Variants in ZNF385D observed in about 807,000 individuals in gnomAD.
The protein encoded by ZNF385D is zinc finger protein 385D.
In ZNF385D, 15 loss-of-function variants were observed where a neutral mutation model predicts 35.8. The observed-to-expected ratio is 0.42, with a 90% confidence interval of 0.28 to 0.64. ZNF385D has a LOEUF of 0.64. ZNF385D is among the 30% of genes least tolerant of loss of function. The pLI, the probability that ZNF385D is intolerant of heterozygous loss-of-function variation, is 0.23. For missense variants in ZNF385D, 474 were observed against 494.6 expected (o/e 0.96, Z 0.39); for synonymous variants, 212 against 186.8 (o/e 1.13, Z -1.10).
intron 3 of ZNF385D, among the ~76,000 whole-genome samples, chr3:21,794,598 G>C (rs2125670154): frequency 6.6e-6 from 1 of 152,224 alleles, no homozygotes; most frequent in East Asian, 1.9e-4. Flanking sequence ...CCTTCTTGTG[G>C]TGTTCTCACA....
At chr3:22,060,774 A>G (rs1242502431) in intron 3 of ZNF385D, among the ~76,000 whole-genome samples, 1 of 152,100 alleles carries the variant, frequency 6.6e-6, no homozygotes, top group Non-Finnish European at 1.5e-5. Context: ...AAGTCTAATA[A>G]GAGAAGCCAT....
Position 21,833,898 on chromosome 3 carries a change from A to G in ZNF385D, c.326-168870T>C, listed in dbSNP as rs931025808. 9.2e-5 allele frequency among the ~76,000 whole-genome samples: 14 copies of G among 152,304 alleles called. No individual in the cohort carries two copies. In the East Asian group the frequency reaches 1.2e-3, roughly 13 times the overall value. On this transcript the variant is annotated intron_variant, in intron 3 of 5. Coordinates refer to the ZNF385D transcript ENST00000494108. Reference sequence around the variant, plus strand: ...AGGGAAGCATACAATAATGATATGCATTAGAATATGCTAGCTAGTATAGCC... The same window carrying G: ...AGGGAAGCATACAATAATGATATGCGTTAGAATATGCTAGCTAGTATAGCC...
intron 2 of ZNF385D, among the ~76,000 whole-genome samples, chr3:22,230,503 G>GGATTCCATCTGTTCTTTAATGAAGGGT (rs1698823290): frequency 1.3e-5 from 2 of 152,068 alleles, no homozygotes; most frequent in African/African-American, 4.8e-5. Flanking sequence ...TCCACTCCAA[G>GGATTCCATCTGTTCTTTAATGAAGGGT]GTCATCAGAC....
intron 2 of ZNF385D, among the ~76,000 whole-genome samples, chr3:22,191,996 G>A (rs760454963): frequency 5.9e-5 from 9 of 152,246 alleles, no homozygotes; most frequent in Non-Finnish European, 1.3e-4. Context: ...ACATAATGAT[G>A]AAGAGGATAT....
chr3:21,856,941 C>A (rs903341939), intron 3 of ZNF385D, among the ~76,000 whole-genome samples: 1 of 152,074 alleles, frequency 6.6e-6, no homozygotes, highest in South Asian at 2.1e-4. Flanking sequence ...GCAGAAGAGG[C>A]CAATCTAAGT....
At chr3:21,981,325 A>C (rs1299490468) in intron 3 of ZNF385D, among the ~76,000 whole-genome samples, 1 of 152,082 alleles carries the variant, frequency 6.6e-6, no homozygotes, top group Non-Finnish European at 1.5e-5. Flanking sequence ...TCAGTGATAT[A>C]GAGATTTTTT....
chr3:22,261,269 G>A (rs1700616691), intron 2 of ZNF385D, among the ~76,000 whole-genome samples: 1 of 151,908 alleles, frequency 6.6e-6, no homozygotes, highest in Non-Finnish European at 1.5e-5. Flanking sequence ...GAACCAGCTA[G>A]ACAGACTGTA....
chr3:21,625,989 C>T (rs372290440), intron 2 of ZNF385D, among the ~76,000 whole-genome samples: 15 of 152,122 alleles, frequency 9.9e-5, no homozygotes, highest in South Asian at 8.3e-4. Flanking sequence ...TGTATCTCCA[C>T]TTAATTTTCA....
chr3:21,886,777 T>C (rs1403380268), intron 3 of ZNF385D, among the ~76,000 whole-genome samples: 2 of 152,142 alleles, frequency 1.3e-5, no homozygotes, highest in Non-Finnish European at 2.9e-5. Context: ...AGCATTGACC[T>C]CTCATAAGAA....
At chr3:21,812,830 G>A (rs573736052) in intron 3 of ZNF385D, among the ~76,000 whole-genome samples, 1 of 152,230 alleles carries the variant, frequency 6.6e-6, no homozygotes, top group African/African-American at 2.4e-5. Context: ...CTGTCTGACA[G>A]CTTTGAAGAG....
At chr3:21,690,197 T>TTG (rs1409480675) in intron 1 of ZNF385D, among the ~76,000 whole-genome samples, 1 of 152,174 alleles carries the variant, frequency 6.6e-6, no homozygotes, top group African/African-American at 2.4e-5. Flanking sequence ...TGTGTTGTGT[T>TTG]TGTGTGTGTG....
At chr3:21,792,505 T>C (rs896419400) in intron 3 of ZNF385D, among the ~76,000 whole-genome samples, 1 of 152,206 alleles carries the variant, frequency 6.6e-6, no homozygotes, top group African/African-American at 2.4e-5. Context: ...CTGGAGACCA[T>C]CTGCCATGGA....
chr3:21,834,393 G>A (rs1484252955), intron 3 of ZNF385D, among the ~76,000 whole-genome samples: 2 of 152,082 alleles, frequency 1.3e-5, no homozygotes, highest in Non-Finnish European at 2.9e-5. Flanking sequence ...TTCTTAGAAA[G>A]TTCTGTTTTG....
chr3:22,295,596 G>A (rs936685781), intron 2 of ZNF385D, among the ~76,000 whole-genome samples: 3 of 152,128 alleles, frequency 2.0e-5, no homozygotes, highest in Non-Finnish European at 2.9e-5. Flanking sequence ...TTAATAATGA[G>A]TGGGAACTAG....
chr3:21,522,012 A>G (rs1223767326), intron 3 of ZNF385D, among the ~76,000 whole-genome samples: 2 of 152,162 alleles, frequency 1.3e-5, no homozygotes, highest in Non-Finnish European at 2.9e-5. Context: ...ATGAGAATAA[A>G]TACCAATTTT....
intron 3 of ZNF385D, among the ~76,000 whole-genome samples, chr3:21,878,408 A>G (rs1353375604): frequency 6.6e-6 from 1 of 152,072 alleles, no homozygotes; most frequent in East Asian, 1.9e-4. Context: ...CATGAGTGCT[A>G]CAGCAGTATG....
intron 2 of ZNF385D, among the ~76,000 whole-genome samples, chr3:22,349,898 T>C (rs1282720010): frequency 2.6e-5 from 4 of 152,144 alleles, no homozygotes; most frequent in African/African-American, 7.2e-5. Context: ...TAATATAAGA[T>C]GTAACCACTC....
intron 3 of ZNF385D, among the ~76,000 whole-genome samples, chr3:21,998,243 G>A (rs1463428594): frequency 6.6e-6 from 1 of 152,072 alleles, no homozygotes; most frequent in Non-Finnish European, 1.5e-5. Context: ...CAATCCATGA[G>A]TGCTACTCTG....
Position 21,938,017 on chromosome 3 carries a change from C to A in ZNF385D, c.325+230800G>T, listed in dbSNP as rs1042791493. On this transcript the variant is annotated intron_variant, in intron 3 of 5. Transcript: ENST00000494108. The stretch of plus-strand genomic sequence containing the variant: ...TTTCCAGAAGTAATATAACACAGTG[C>A]GAAATCTCTACGTAACAAAGGAGGT... Among the ~76,000 whole-genome samples, 4 of 152,228 alleles carry A rather than the reference C, an allele frequency of 2.6e-5. No individual in the cohort carries two copies. The East Asian group carries it at 7.7e-4, about 29-fold the overall frequency.
Sources: allele counts gnomAD v4.1 joint callset (sites outside exome capture counted in the v4.1 genomes callset), GRCh38; gene constraint gnomAD v4.1.1; transcripts MANE v1.5; gene names NCBI Gene and HGNC (gene_info 2026-07-23, HGNC 2026-07-21).